EXOC4: variants seen among roughly 807,000 people sequenced by gnomAD.
The protein encoded by EXOC4 is exocyst complex component 4, also known as SEC8-like 1.
EXOC4 carries 71 observed loss-of-function variants against 107.2 expected under a neutral mutation model. The observed-to-expected ratio is 0.66, with a 90% CI of 0.55 to 0.81. The LOEUF (loss-of-function observed/expected upper bound fraction) is 0.81, where lower values mean the gene tolerates loss of function less well. Among genes scored for constraint, EXOC4 ranks in the 30% least tolerant of loss-of-function variants. The pLI, the probability that EXOC4 is intolerant of heterozygous loss-of-function variation, is 0.00. For synonymous variants in EXOC4, 456 were observed against 441.2 expected (o/e 1.03, Z -0.42); for missense variants, 1,108 against 1,189.6 (o/e 0.93, Z 1.01).
intron 10 of EXOC4, among the ~76,000 whole-genome samples, chr7:133,713,656 T>C (rs1027527770): frequency 2.1e-4 from 32 of 152,144 alleles, no homozygotes; most frequent in Non-Finnish European, 4.1e-4. Flanking sequence ...GTGGAGGTAA[T>C]TGAATCATGG....
At chr7:133,893,897 T>C in intron 11 of EXOC4, among the ~76,000 whole-genome samples, 1 of 78,694 alleles carries the variant, frequency 1.3e-5, no homozygotes, top group Non-Finnish European at 2.2e-5. Flanking sequence ...ATCTGATAAT[T>C]ATGTGTCTTG....
At chr7:133,901,652 A>C (rs1378276868) in intron 12 of EXOC4, among the ~76,000 whole-genome samples, 4 of 152,192 alleles carry the variant, frequency 2.6e-5, no homozygotes, top group African/African-American at 9.7e-5. Context: ...ATGCTCCCCC[A>C]AAAATGATTT....
intron 17 of EXOC4, among the ~76,000 whole-genome samples, chr7:134,013,506 A>T (rs990588901): frequency 2.0e-5 from 3 of 152,166 alleles, no homozygotes; most frequent in African/African-American, 7.2e-5. Context: ...TTAGGTAAAA[A>T]CCAAGAGGCC....
intron 17 of EXOC4, among the ~76,000 whole-genome samples, chr7:134,032,681 T>C (rs1795296428): frequency 6.6e-6 from 1 of 152,188 alleles, no homozygotes; most frequent in African/African-American, 2.4e-5. Context: ...TCTGTACTTT[T>C]AGGGGTCAGC....
intron 14 of EXOC4, among the ~76,000 whole-genome samples, chr7:133,946,468 A>G (rs965748714): frequency 6.6e-6 from 1 of 152,202 alleles, no homozygotes; most frequent in African/African-American, 2.4e-5. Context: ...GTTGTGCTCA[A>G]TGTCTCAACT....
At chr7:134,003,213 T>G (rs947322629) in intron 15 of EXOC4, among the ~76,000 whole-genome samples, 23 of 152,178 alleles carry the variant, frequency 1.5e-4, no homozygotes, top group African/African-American at 4.8e-4. Flanking sequence ...CTACATACTG[T>G]ATGATTCCAT....
At chr7:133,989,782 G>A in intron 14 of EXOC4, among the ~76,000 whole-genome samples, 1 of 152,174 alleles carries the variant, frequency 6.6e-6, no homozygotes, top group East Asian at 1.9e-4. Flanking sequence ...GAGAAAGTCA[G>A]TGTTGAGATT....
chr7:133,872,779 C>T lies in EXOC4; in HGVS notation c.1735-22820C>T, dbSNP rs907792553. 3.9e-5 allele frequency among the ~76,000 whole-genome samples: 6 copies of T among 152,154 alleles called. No individual in the cohort carries two copies. In the South Asian group the frequency reaches 1.0e-3, roughly 26 times the overall value. On this transcript the variant is annotated intron_variant, in intron 11 of 17. Transcript: ENST00000253861. ...GTTCTTAAAATCCCTCCTAAGTAAC[C>T]CACAGTAAGAGGCTGTTGAACAATT...
intron 7 of EXOC4, among the ~76,000 whole-genome samples, chr7:133,406,495 A>AT (rs1797223500): frequency 6.6e-6 from 1 of 152,160 alleles, no homozygotes; most frequent in African/African-American, 2.4e-5. Flanking sequence ...GTTTTCTGGA[A>AT]TTGTATTTTT....
intron 6 of EXOC4, among the ~76,000 whole-genome samples, chr7:133,373,325 G>C (rs1796417095): frequency 6.6e-6 from 1 of 152,082 alleles, no homozygotes; most frequent in African/African-American, 2.4e-5. Flanking sequence ...TGACCTTTAA[G>C]GATTAAAAAG....
At chr7:133,969,213 A>T (rs1216944659) in intron 14 of EXOC4, among the ~76,000 whole-genome samples, 3 of 152,130 alleles carry the variant, frequency 2.0e-5, no homozygotes, top group Non-Finnish European at 4.4e-5. Flanking sequence ...TTCTTCTCTA[A>T]ACTGGTTATT....
Position 134,050,207 on chromosome 7 carries a change from G to A in EXOC4, c.2688-14084G>A, listed in dbSNP as rs560438599. 6.6e-5 allele frequency among the ~76,000 whole-genome samples: 10 copies of A among 152,306 alleles called. No homozygotes were observed. In the South Asian group the frequency reaches 2.1e-3, roughly 32 times the overall value. Reference sequence around the variant, plus strand: ...AGTAATTGTCTCTAGGAAAGGAAATGGTGGGAGAGAGGCTTTACGCTATAT... The same window carrying A: ...AGTAATTGTCTCTAGGAAAGGAAATAGTGGGAGAGAGGCTTTACGCTATAT... On this transcript the variant is annotated intron_variant, in intron 17 of 17. Transcript: ENST00000253861.
intron 7 of EXOC4, among the ~76,000 whole-genome samples, chr7:133,384,797 C>T (rs565561913): frequency 2.1e-4 from 30 of 143,142 alleles, no homozygotes; most frequent in South Asian, 8.8e-4. Context: ...TTGAGTATAG[C>T]GATAGTTCTT....
At chr7:133,419,742 A>G (rs971109902) in intron 7 of EXOC4, among the ~76,000 whole-genome samples, 3 of 152,144 alleles carry the variant, frequency 2.0e-5, no homozygotes, top group Non-Finnish European at 2.9e-5. Flanking sequence ...CCAGGCCCCA[A>G]TCCAAACCGA....
intron 3 of EXOC4, among the ~76,000 whole-genome samples, chr7:133,291,153 C>A (rs139195174): frequency 1.8e-4 from 27 of 151,820 alleles, no homozygotes; most frequent in African/African-American, 5.8e-4. Flanking sequence ...GGAGGAAGAA[C>A]AGTCATGTCC....
intron 16 of EXOC4, among the ~76,000 whole-genome samples, chr7:134,006,456 T>C (rs1794645027): frequency 6.6e-6 from 1 of 152,194 alleles, no homozygotes; most frequent in African/African-American, 2.4e-5. Context: ...CTTTTCTTCA[T>C]ATTCAAATAG....
At chr7:134,055,156 G>T (rs1354433882) in intron 17 of EXOC4, among the ~76,000 whole-genome samples, 1 of 152,184 alleles carries the variant, frequency 6.6e-6, no homozygotes, top group African/African-American at 2.4e-5. Flanking sequence ...CTTCAGTCCT[G>T]TAAGAAGTAG....
chr7:133,977,913 G>C (rs1793881330), intron 14 of EXOC4, among the ~76,000 whole-genome samples: 1 of 152,160 alleles, frequency 6.6e-6, no homozygotes, highest in Non-Finnish European at 1.5e-5. Context: ...ATGTTAAATT[G>C]AATTAAGTTT....
intron 9 of EXOC4, among the ~76,000 whole-genome samples, chr7:133,518,351 G>A (rs1157404939): frequency 4.5e-5 from 6 of 134,166 alleles, no homozygotes; most frequent in African/African-American, 1.7e-4. Flanking sequence ...ATTCATTCAT[G>A]CCCTCTCCTA....
Sources: allele counts gnomAD v4.1 joint callset (sites outside exome capture counted in the v4.1 genomes callset), GRCh38; gene constraint gnomAD v4.1.1; transcripts MANE v1.5; gene names NCBI Gene and HGNC (gene_info 2026-07-23, HGNC 2026-07-21).